GSTM3: variants seen among roughly 807,000 people sequenced by gnomAD.
GSTM3 encodes the protein glutathione S-transferase mu 3.
In GSTM3, 34 loss-of-function variants were observed where a neutral mutation model predicts 36.1. The observed-to-expected ratio is 0.94, with a 90% CI of 0.72 to 1.25. GSTM3 has a LOEUF of 1.25. GSTM3 is among the 50% of genes most tolerant of loss of function. The probability of loss-of-function intolerance (pLI) is 0.00; values close to 1 mark genes in which losing one functional copy is unlikely to be tolerated. For synonymous variants in GSTM3, 102 were observed against 99.5 expected, an observed-to-expected ratio of 1.03 and a Z score of -0.15; for missense variants, 266 against 281.6, an observed-to-expected ratio of 0.94 and a Z score of 0.40.
chr1:109,737,103 T>C lies in GSTM3; in HGVS notation c.646A>G (p.Met216Val). 6.2e-7 allele frequency: 1 copy of C among 1,613,394 alleles called. No individual in the cohort carries two copies. Reference sequence around the variant, plus strand: ...ACAGGCTTGTTGCCCCACTGGGCCATCTTGTTGTTGATGGGCATCTTGCAG... The same window carrying C: ...ACAGGCTTGTTGCCCCACTGGGCCACCTTGTTGTTGATGGGCATCTTGCAG... The part of the protein sequence containing the change: ...QFCKMPINNK[M>V]AQWGNKPVC The change falls in exon 9 of 9, where the codon ATG (methionine) becomes GTG (valine). Residue 216 changes from methionine (M) to valine (V), a missense_variant. Transcript: ENST00000361066.
intron 8 of GSTM3, 85 bp downstream of exon 8, chr1:109,737,372 G>A: frequency 1.0e-6 from 1 of 958,406 alleles, no homozygotes; most frequent in Non-Finnish European, 1.7e-6. Flanking sequence ...GCAAAAGCCG[G>A]GGAAGAATCC....
In GSTM3 at chr1:109,737,116, G is replaced by A. The variant is rs1252895634; in HGVS notation, c.633C>T (p.Pro211=). 4 of 1,613,574 alleles carry A rather than the reference G, an allele frequency of 2.5e-6. No individual in the cohort carries two copies. The highest frequency in any genetic ancestry group is 1.1e-5 in the South Asian group (1 of 91,068). The change falls in exon 9 of 9, where the codon CCC becomes CCT. Residue 211 remains proline, a synonymous_variant. Coordinates refer to ENST00000361066, the MANE Select transcript of GSTM3 (RefSeq NM_000849.5). ...CCCACTGGGCCATCTTGTTGTTGAT[G>A]GGCATCTTGCAGAACTGATCAGACT... is the stretch of plus-strand genomic sequence containing the variant. The part of the protein sequence containing the change: ...YLQSDQFCKM[P]INNKMAQWGN...
rs527830165 is a variant in GSTM3, at chr1:109,735,133, T to G, written c.*1938A>C. 2 of 152,350 alleles carry G rather than the reference T, an allele frequency of 1.3e-5. No individual in the cohort carries two copies. The highest frequency in any genetic ancestry group is 3.9e-4 in the East Asian group (2 of 5,190). The allele number at this position is 152,350 out of a possible 1,614,324, so 9.4% of individuals were successfully genotyped here. ...CCACTTGCCTGCAGTAAGACTGTTA[T>G]GAGTTTGGTGTTTCCCTCCAGACTC... On this transcript the variant is annotated 3_prime_UTR_variant, in exon 9 of 9. Transcript: ENST00000361066.
At chr1:109,738,818 A>G (rs1649285864) in intron 4 of GSTM3, among the ~76,000 whole-genome samples, 1 of 152,248 alleles carries the variant, frequency 6.6e-6, no homozygotes, top group Non-Finnish European at 1.5e-5. Flanking sequence ...ATGTTATAGA[A>G]TATGAAACTA....
rs1649149111 is a variant in GSTM3, at chr1:109,734,492, G to A, written c.*2579C>T. On this transcript the variant is annotated 3_prime_UTR_variant, in exon 9 of 9. Coordinates refer to ENST00000361066, the MANE Select transcript of GSTM3 (RefSeq NM_000849.5). ...CCTCCTCTCTTAACAGTGTTACACAGCAATAAATAATGCATTCCCTTTTTG... is the reference window on the plus strand; with the variant it reads ...CCTCCTCTCTTAACAGTGTTACACAACAATAAATAATGCATTCCCTTTTTG... The A allele has an allele frequency of 1.3e-5, 2 of 152,146 alleles. No homozygotes were observed. The highest frequency in any genetic ancestry group is 4.1e-4 in the South Asian group (2 of 4,830). 9.4% of individuals were successfully genotyped at this position (152,146 alleles called of 1,614,324 possible).
At position 109,737,582 on chromosome 1, in the gene GSTM3, A is replaced by G. The variant is rs375847086; in HGVS notation, c.469-15T>C. ...ACAAAGGTGAGCTAGAAGAAAAGCA[A>G]TAAGATGCTTAGGTCTGAGGAGTAG... On this transcript the variant is annotated splice_polypyrimidine_tract_variant and intron_variant, in intron 7 of 8. Coordinates refer to ENST00000361066, the MANE Select transcript of GSTM3 (RefSeq NM_000849.5). The G allele has an allele frequency of 7.0e-6, 11 of 1,572,712 alleles. No individual in the cohort carries two copies. The highest frequency in any genetic ancestry group is 1.4e-5 in the African/African-American group (1 of 74,038).
In GSTM3 at chr1:109,736,564, G is replaced by T. The variant is rs1205450943; in HGVS notation, c.*507C>A. 1 of 152,238 alleles carries T rather than the reference G, an allele frequency of 6.6e-6. No individual in the cohort carries two copies. Among genetic ancestry groups the T allele is most frequent in the African/African-American group, 2.4e-5 (1 of 41,420 alleles). 9.4% of individuals were successfully genotyped at this position (152,238 alleles called of 1,614,324 possible). A position where few individuals can be genotyped will look rare whatever the true frequency, so the allele number is the denominator to read the frequency against. The stretch of plus-strand genomic sequence containing the variant: ...AATTCCAGATTAATTTTAGTGAATA[G>T]TGTCAAGTGGGGCTCTATTATTTTT... On this transcript the variant is annotated 3_prime_UTR_variant, in exon 9 of 9. Transcript: ENST00000361066.
chr1:109,737,237 CA>C (rs1483680252), intron 8 of GSTM3, 68 bp from the exon 9 acceptor site: 2 of 1,109,476 alleles, frequency 1.8e-6, no homozygotes, highest in African/African-American at 3.1e-5. Context: ...ACCAGAACAG[CA>C]ACATTCACGT....
At position 109,736,839 on chromosome 1, in the gene GSTM3, C is replaced by T. The variant is rs1239765759; in HGVS notation, c.*232G>A. On this transcript the variant is annotated 3_prime_UTR_variant, in exon 9 of 9. Coordinates refer to ENST00000361066, the MANE Select transcript of GSTM3 (RefSeq NM_000849.5). ...CCCACTCTCAGGGCTTGGGCATGAA[C>T]CTACAGCCCTTGAACTCAGTTGGGG... 2.0e-6 allele frequency: 1 copy of T among 492,182 alleles called. No individual in the cohort carries two copies. The highest frequency in any genetic ancestry group is 2.0e-5 in the African/African-American group (1 of 51,112). The allele number at this position is 492,182 out of a possible 1,614,324, so 30.5% of individuals were successfully genotyped here.
In GSTM3 at chr1:109,735,632, TG is replaced by T. The variant is rs1557978262; in HGVS notation, c.*1438del. On this transcript the variant is annotated 3_prime_UTR_variant, in exon 9 of 9. Coordinates refer to ENST00000361066, the MANE Select transcript of GSTM3 (RefSeq NM_000849.5). ...ACATCTTAGTATATGTCTCTTTGAA[TG>T]TTTTTTTTTTTTTTTTTTTTTTTTT... 2.1e-5 allele frequency: 1 copy of T among 47,650 alleles called. No individual in the cohort carries two copies. Among genetic ancestry groups the T allele is most frequent in the African/African-American group, 9.2e-5 (1 of 10,812 alleles). 3.0% of individuals were successfully genotyped at this position (47,650 alleles called of 1,614,324 possible). A position where few individuals can be genotyped will look rare whatever the true frequency, so the allele number is the denominator to read the frequency against.
At chr1:109,739,697 G>T in intron 3 of GSTM3, 136 bp downstream of exon 3, 1 of 717,456 alleles carries the variant, frequency 1.4e-6, no homozygotes, top group Non-Finnish European at 2.4e-6. Flanking sequence ...TCCAGATAAA[G>T]GATGTGTCTC....
At chr1:109,740,098 G>T in intron 2 of GSTM3, 142 bp downstream of exon 2, 1 of 913,796 alleles carries the variant, frequency 1.1e-6, no homozygotes, top group Non-Finnish European at 1.7e-6. Flanking sequence ...CAGAGGCTGG[G>T]CAGGGGTCGA....
At position 109,735,329 on chromosome 1, in the gene GSTM3, G is replaced by C. The variant is rs951112915; in HGVS notation, c.*1742C>G. The C allele has an allele frequency of 2.0e-5, 3 of 151,912 alleles. No individual in the cohort carries two copies. The highest frequency in any genetic ancestry group is 6.6e-5 in the Admixed American group (1 of 15,228). 9.4% of individuals were successfully genotyped at this position (151,912 alleles called of 1,614,324 possible). ...TAGCTGGGACTATGCATGAGCAATTGCGCACAGCTAATTAAAAAAAATTTT... is the reference window on the plus strand; with the variant it reads ...TAGCTGGGACTATGCATGAGCAATTCCGCACAGCTAATTAAAAAAAATTTT... On this transcript the variant is annotated 3_prime_UTR_variant, in exon 9 of 9. Transcript: ENST00000361066.
chr1:109,737,176 G>A lies in GSTM3; in HGVS notation c.580-7C>T, dbSNP rs746828388. On this transcript the variant is annotated splice_region_variant and splice_polypyrimidine_tract_variant and intron_variant, in intron 8 of 8. Transcript: ENST00000361066. ...CAGCGATTTTCTCCAAAGCCTGAAA[G>A]GAAAATACACCAAATCTTATAACGA... The A allele has an allele frequency of 6.3e-7, 1 of 1,595,880 alleles. No individual in the cohort carries two copies. The highest frequency in any genetic ancestry group is 1.7e-5 in the Admixed American group (1 of 60,000).
At position 109,740,997 on chromosome 1, in the gene GSTM3, T is replaced by G. The variant is rs1047146611; in HGVS notation, c.-269A>C. On this transcript the variant is annotated 5_prime_UTR_variant, in exon 1 of 9. Transcript: ENST00000361066. The stretch of plus-strand genomic sequence containing the variant: ...GCCTATCCTTCCTCAGCAGCCTTGC[T>G]GAAATGTCTGCCTATTCCTTGAAGC... 6.6e-6 allele frequency: 1 copy of G among 152,588 alleles called. No homozygotes were observed. Among genetic ancestry groups the G allele is most frequent in the African/African-American group, 2.4e-5 (1 of 41,484 alleles). 9.5% of individuals were successfully genotyped at this position (152,588 alleles called of 1,614,324 possible).
intron 3 of GSTM3, 72 bp from the exon 4 acceptor site, chr1:109,739,565 A>G (rs534810155): frequency 6.1e-6 from 7 of 1,151,396 alleles, no homozygotes; most frequent in African/African-American, 3.1e-5. Flanking sequence ...AGATCTAAAG[A>G]AATGACTTGG....
At chr1:109,739,535 C>T (rs1412857421) in intron 3 of GSTM3, 42 bp from the exon 4 acceptor site, 1 of 1,405,832 alleles carries the variant, frequency 7.1e-7, no homozygotes, top group Non-Finnish European at 1.0e-6. Context: ...CTCCTTAATA[C>T]CCCACCTGAC....
In GSTM3 at chr1:109,735,822, TAG is replaced by T; in HGVS notation, c.*1247_*1248del. The T allele has an allele frequency of 1.3e-5, 2 of 152,170 alleles. No homozygotes were observed. The highest frequency in any genetic ancestry group is 4.2e-4 in the South Asian group (2 of 4,810). The allele number at this position is 152,170 out of a possible 1,614,324, so 9.4% of individuals were successfully genotyped here. On this transcript the variant is annotated 3_prime_UTR_variant, in exon 9 of 9. Coordinates refer to ENST00000361066, the MANE Select transcript of GSTM3 (RefSeq NM_000849.5). ...CATGCCCAGCTAATTTTTGTATTTTTAGTAGAAACGGGGTTTCATCATGTTGG... is the reference window on the plus strand; with the variant it reads ...CATGCCCAGCTAATTTTTGTATTTTTTAGAAACGGGGTTTCATCATGTTGG...
rs764458914 is a variant in GSTM3 at position 109,739,409 on chromosome 1, C to T, written c.189+20G>A. ...TGAAGGCTTTCCCTTCTGCCCGCCA[C>T]CTCTACTAAAGCCACTTACATTAGG... On this transcript the variant is annotated intron_variant, in intron 4 of 8. Coordinates refer to ENST00000361066, the MANE Select transcript of GSTM3 (RefSeq NM_000849.5). The T allele has an allele frequency of 3.1e-6, 5 of 1,587,436 alleles. No homozygotes were observed. The Admixed American group carries it at 5.0e-5, about 16-fold the overall frequency.
Sources: gnomAD v4.1 joint callset for allele counts (sites outside exome capture counted in the v4.1 genomes callset) on GRCh38, gnomAD v4.1.1 for gene constraint, MANE v1.5 for transcripts, NCBI Gene and HGNC (gene_info 2026-07-23, HGNC 2026-07-21) for gene names.